SPATA6: variants seen among roughly 807,000 people sequenced by gnomAD.
SPATA6 encodes the protein spermatogenesis associated 6.
A neutral mutation model predicts 65.3 loss-of-function variants in SPATA6; 56 were observed. The observed-to-expected ratio is 0.86, with a 90% CI of 0.69 to 1.07. The LOEUF (loss-of-function observed/expected upper bound fraction) is 1.07, where lower values mean the gene tolerates loss of function less well. SPATA6 is among the 50% of genes least tolerant of loss of function. The probability of loss-of-function intolerance (pLI) is 0.00; values close to 1 mark genes in which losing one functional copy is unlikely to be tolerated. For missense variants in SPATA6, 590 were observed against 594.8 expected, an observed-to-expected ratio of 0.99 and a Z score of 0.08; for synonymous variants, 199 against 213.2, an observed-to-expected ratio of 0.93 and a Z score of 0.58.
chr1:48,436,415 C>T (rs1654942859), intron 3 of SPATA6: 3 of 1,608,286 alleles, frequency 1.9e-6, no homozygotes, highest in South Asian at 2.2e-5. Flanking sequence ...CTCTTGAGGA[C>T]CTGTTTTCCT....
At chr1:48,366,594 T>C (rs1204533670) in intron 9 of SPATA6, among the ~76,000 whole-genome samples, 1 of 152,238 alleles carries the variant, frequency 6.6e-6, no homozygotes, top group Non-Finnish European at 1.5e-5. Flanking sequence ...GAGGTGTTTG[T>C]AGTATTCTCT....
At chr1:48,293,785 T>G (rs189135032), downstream of SPATA6, among the ~76,000 whole-genome samples, 3 of 152,308 alleles carry the variant, frequency 2.0e-5, no homozygotes, top group Admixed American at 2.0e-4. Context: ...TCAATTATTA[T>G]CCCTCAAGTA....
At chr1:48,263,130 A>T in the SPATA6 span, 2 of 152,170 alleles carry the variant, frequency 1.3e-5, no homozygotes, top group Admixed American at 6.5e-5. Context: ...GCCAATGGAT[A>T]TACTTTTCTA....
chr1:48,382,673 G>A (rs1648854923), intron 9 of SPATA6, among the ~76,000 whole-genome samples: 9 of 86,454 alleles, frequency 1.0e-4, no homozygotes, highest in East Asian at 5.7e-4. Context: ...GGCTGGCCGG[G>A]CAGAGGGGCT....
At chr1:48,448,038 C>T (rs1048786970) in intron 3 of SPATA6, 2 of 152,004 alleles carry the variant, frequency 1.3e-5, no homozygotes, top group African/African-American at 2.4e-5. Flanking sequence ...AATCAATCAT[C>T]TATGCTTCCA....
intron 12 of SPATA6, 117 bp downstream of exon 12, chr1:48,305,670 G>A (rs1276601776): frequency 3.4e-5 from 25 of 725,956 alleles, no homozygotes; most frequent in Non-Finnish European, 4.8e-5. Context: ...GGAATTTACA[G>A]TTAGAAATAA....
chr1:48,328,260 C>G (rs1645820679), intron 11 of SPATA6, among the ~76,000 whole-genome samples: 1 of 152,002 alleles, frequency 6.6e-6, no homozygotes, highest in South Asian at 2.1e-4. Flanking sequence ...AATAGTTTGG[C>G]AATTCCTCAA....
chr1:48,414,837 A>G (rs1232956497), intron 3 of SPATA6, among the ~76,000 whole-genome samples: 1 of 152,240 alleles, frequency 6.6e-6, no homozygotes, highest in Non-Finnish European at 1.5e-5. Context: ...GTTTGAAGAG[A>G]CTGAACAAGC....
chr1:48,466,456 TC>T (rs912523642), intron 1 of SPATA6, among the ~76,000 whole-genome samples: 28 of 151,896 alleles, frequency 1.8e-4, no homozygotes, highest in Non-Finnish European at 2.4e-4. Flanking sequence ...AGTACAAAAA[TC>T]TGAACAAACA....
At chr1:48,398,760 A>G (rs1234124332) in intron 7 of SPATA6, among the ~76,000 whole-genome samples, 1 of 151,776 alleles carries the variant, frequency 6.6e-6, no homozygotes, top group African/African-American at 2.4e-5. Context: ...ATAATCATAT[A>G]AACACAAGAC....
intron 11 of SPATA6, among the ~76,000 whole-genome samples, chr1:48,316,016 C>T (rs1010806891): frequency 1.9e-4 from 29 of 152,288 alleles, no homozygotes; most frequent in Non-Finnish European, 1.6e-4. Flanking sequence ...CTACAAACCA[C>T]TGCTCAAGGA....
At chr1:48,264,537 G>A in the SPATA6 span, among the ~76,000 whole-genome samples, 1 of 151,880 alleles carries the variant, frequency 6.6e-6, no homozygotes, top group Non-Finnish European at 1.5e-5. Context: ...CCTCCCGACA[G>A]GCCCCAGTGT....
chr1:48,368,494 CT>C (rs1160599324), intron 9 of SPATA6, among the ~76,000 whole-genome samples: 3 of 152,160 alleles, frequency 2.0e-5, no homozygotes, highest in African/African-American at 7.2e-5. Context: ...TTGTTCGTTT[CT>C]TTTTATTCTT....
intron 9 of SPATA6, among the ~76,000 whole-genome samples, chr1:48,363,037 TCAAATA>T (rs1287568195): frequency 2.0e-5 from 3 of 151,956 alleles, no homozygotes; most frequent in African/African-American, 7.3e-5. Flanking sequence ...ATATAAGACG[TCAAATA>T]CAAGTAATGA....
intron 9 of SPATA6, among the ~76,000 whole-genome samples, chr1:48,367,572 A>T (rs1329639247): frequency 6.6e-6 from 1 of 151,760 alleles, no homozygotes; most frequent in Non-Finnish European, 1.5e-5. Flanking sequence ...GTCTCTTTTG[A>T]TCTTTGTTGG....
At chr1:48,444,217 T>C (rs1655791973) in intron 3 of SPATA6, among the ~76,000 whole-genome samples, 2 of 151,964 alleles carry the variant, frequency 1.3e-5, no homozygotes. Flanking sequence ...CAGCGCTCTA[T>C]GTATAGCTAA....
intron 11 of SPATA6, among the ~76,000 whole-genome samples, chr1:48,316,112 G>A (rs941259765): frequency 2.6e-4 from 40 of 152,152 alleles, no homozygotes; most frequent in African/African-American, 9.2e-4. Context: ...ACTGCCCAAG[G>A]TAATTTACAG....
At chr1:48,353,800 G>T (rs1646580712) in intron 11 of SPATA6, among the ~76,000 whole-genome samples, 1 of 151,944 alleles carries the variant, frequency 6.6e-6, no homozygotes, top group Admixed American at 6.6e-5. Flanking sequence ...ATATTTAAAT[G>T]TTAAAGAAAA....
chr1:48,460,587 T>C (rs1478456485), intron 1 of SPATA6, among the ~76,000 whole-genome samples: 1 of 151,306 alleles, frequency 6.6e-6, no homozygotes, highest in East Asian at 1.9e-4. Flanking sequence ...GAAAAAGATA[T>C]TTGGAAATGA....
Sources: allele counts gnomAD v4.1 joint callset (sites outside exome capture counted in the v4.1 genomes callset), GRCh38; gene constraint gnomAD v4.1.1; transcripts MANE v1.5; gene names NCBI Gene and HGNC (gene_info 2026-07-23, HGNC 2026-07-21).